Variants in COL25A1 observed in about 807,000 individuals in gnomAD.
COL25A1 encodes the protein collagen alpha-1(XXV) chain.
COL25A1 carries 103 observed loss-of-function variants against 128.4 expected under a neutral mutation model. That is an observed-to-expected ratio of 0.80 (90% CI 0.68 to 0.94). The LOEUF (loss-of-function observed/expected upper bound fraction) is 0.94, where lower values mean the gene tolerates loss of function less well. Ranked by LOEUF, COL25A1 falls within the 40% of genes least tolerant of loss-of-function variation. COL25A1 has a pLI of 0.00. For missense variants in COL25A1, 745 were observed against 840.0 expected, an observed-to-expected ratio of 0.89 and a Z score of 1.40; for synonymous variants, 279 against 277.2, an observed-to-expected ratio of 1.01 and a Z score of -0.06.
chr4:109,301,374 C>T (rs1725509238), intron 2 of COL25A1, among the ~76,000 whole-genome samples: 1 of 152,112 alleles, frequency 6.6e-6, no homozygotes, highest in Admixed American at 6.5e-5. Context: ...AAAGATTTAA[C>T]AGATGCTATC....
intron 3 of COL25A1, among the ~76,000 whole-genome samples, chr4:109,208,591 T>C (rs1402515529): frequency 5.6e-5 from 7 of 124,506 alleles, no homozygotes; most frequent in Non-Finnish European, 7.8e-5. Context: ...TTTTTTAACT[T>C]TTAATATACT....
At chr4:109,112,729 A>ACAGAG (rs2126040735) in intron 3 of COL25A1, among the ~76,000 whole-genome samples, 1 of 152,282 alleles carries the variant, frequency 6.6e-6, no homozygotes, top group South Asian at 2.1e-4. Flanking sequence ...TTGTATAATT[A>ACAGAG]CAGAGCAAAG....
At chr4:109,054,398 G>A (rs1237581954) in intron 3 of COL25A1, among the ~76,000 whole-genome samples, 1 of 152,140 alleles carries the variant, frequency 6.6e-6, no homozygotes. Context: ...ATTATTGTGA[G>A]GATGAAACTG....
chr4:109,293,126 T>G (rs1724630894), intron 3 of COL25A1, among the ~76,000 whole-genome samples: 3 of 152,066 alleles, frequency 2.0e-5, no homozygotes, highest in Non-Finnish European at 4.4e-5. Flanking sequence ...AGCATTGACC[T>G]AAGACATCAG....
chr4:109,024,368 A>G (rs947654045), intron 5 of COL25A1, among the ~76,000 whole-genome samples: 3 of 152,004 alleles, frequency 2.0e-5, no homozygotes, highest in Non-Finnish European at 4.4e-5. Flanking sequence ...ATATATTTAT[A>G]TATTATGCTT....
At chr4:109,241,881 T>G (rs917895838) in intron 3 of COL25A1, among the ~76,000 whole-genome samples, 1 of 152,116 alleles carries the variant, frequency 6.6e-6, no homozygotes, top group Non-Finnish European at 1.5e-5. Flanking sequence ...AGATTCCTGA[T>G]GTATTCATAA....
intron 3 of COL25A1, among the ~76,000 whole-genome samples, chr4:109,265,438 A>G (rs1368442222): frequency 6.6e-6 from 1 of 151,714 alleles, no homozygotes; most frequent in African/African-American, 2.4e-5. Flanking sequence ...TTTTCCTTAT[A>G]CTTTTTCCAT....
intron 3 of COL25A1, among the ~76,000 whole-genome samples, chr4:109,067,146 A>G (rs952671544): frequency 6.6e-6 from 1 of 152,186 alleles, no homozygotes; most frequent in Admixed American, 6.5e-5. Flanking sequence ...TAACGGTCCC[A>G]AGAGGGAACT....
intron 5 of COL25A1, among the ~76,000 whole-genome samples, chr4:109,034,302 C>T (rs745826134): frequency 3.1e-4 from 47 of 152,254 alleles, no homozygotes; most frequent in Non-Finnish European, 3.5e-4. Context: ...TGAAAAATGT[C>T]ATTTCTGGAA....
intron 3 of COL25A1, among the ~76,000 whole-genome samples, chr4:109,052,342 C>T (rs529730290): frequency 6.6e-6 from 1 of 152,138 alleles, no homozygotes; most frequent in African/African-American, 2.4e-5. Context: ...TGTGGAAAAT[C>T]TGCTTGTCAT....
Position 109,050,248 on chromosome 4 carries a change from A to G in COL25A1, c.368-69T>C, listed in dbSNP as rs1579204766. ...TTCCTGGTTCCAAAATAGCTAGTAA[A>G]TAATTTATATATATTTTCTCATTGT... On this transcript the variant is annotated intron_variant, in intron 3 of 37. Transcript: ENST00000399132. The G allele has an allele frequency of 6.2e-6, 7 of 1,130,326 alleles. No homozygotes were observed. The East Asian group carries it at 1.7e-4, about 28-fold the overall frequency. The allele number at this position is 1,130,326 out of a possible 1,614,324, so 70.0% of individuals were successfully genotyped here. A position where few individuals can be genotyped will look rare whatever the true frequency, so the allele number is the denominator to read the frequency against.
At chr4:109,154,030 A>G (rs1397439688) in intron 3 of COL25A1, among the ~76,000 whole-genome samples, 1 of 152,258 alleles carries the variant, frequency 6.6e-6, no homozygotes, top group African/African-American at 2.4e-5. Context: ...AAAAGTTTAA[A>G]GTAGTAGCAA....
At chr4:108,845,105 T>A (rs918167897) in intron 29 of COL25A1, 84 bp downstream of exon 29, 4 of 1,151,894 alleles carry the variant, frequency 3.5e-6, no homozygotes, top group Middle Eastern at 1.9e-4. Flanking sequence ...TGTGCAGCCA[T>A]CTGGCAGAGG....
At chr4:109,064,971 G>A (rs973074382) in intron 3 of COL25A1, among the ~76,000 whole-genome samples, 2 of 152,196 alleles carry the variant, frequency 1.3e-5, no homozygotes, top group Admixed American at 1.3e-4. Context: ...AGAACATGGT[G>A]TATCCAATGC....
intron 8 of COL25A1, among the ~76,000 whole-genome samples, chr4:108,951,094 T>C (rs1749365546): frequency 6.6e-6 from 1 of 152,188 alleles, no homozygotes; most frequent in Non-Finnish European, 1.5e-5. Context: ...CAGGAAATTC[T>C]GGTAAGGTGA....
intron 8 of COL25A1, among the ~76,000 whole-genome samples, chr4:108,973,104 T>C (rs920049198): frequency 6.6e-6 from 1 of 152,164 alleles, no homozygotes; most frequent in African/African-American, 2.4e-5. Context: ...TGATATTGCG[T>C]GTAGAAAGAA....
At chr4:109,242,755 T>C (rs1393485195) in intron 3 of COL25A1, among the ~76,000 whole-genome samples, 1 of 152,132 alleles carries the variant, frequency 6.6e-6, no homozygotes, top group African/African-American at 2.4e-5. Flanking sequence ...TGCATAATAA[T>C]TGTTCATTAT....
chr4:109,287,415 A>G (rs916122896), intron 3 of COL25A1, among the ~76,000 whole-genome samples: 8 of 152,208 alleles, frequency 5.3e-5, no homozygotes, highest in Non-Finnish European at 1.0e-4. Flanking sequence ...AGGCTGCTAT[A>G]TACATGACCT....
intron 12 of COL25A1, among the ~76,000 whole-genome samples, chr4:108,919,445 T>C (rs1745243579): frequency 6.6e-6 from 1 of 152,180 alleles, no homozygotes; most frequent in Non-Finnish European, 1.5e-5. Context: ...CTGCAACCCA[T>C]GGGCTTTTAC....
Sources: gnomAD v4.1 joint callset for allele counts (sites outside exome capture counted in the v4.1 genomes callset) on GRCh38, gnomAD v4.1.1 for gene constraint, MANE v1.5 for transcripts, NCBI Gene and HGNC (gene_info 2026-07-23, HGNC 2026-07-21) for gene names.